NBEA: variants seen among roughly 807,000 people sequenced by gnomAD.
NBEA encodes lysosomal-trafficking regulator 2.
In NBEA, 44 loss-of-function variants were observed where a neutral mutation model predicts 343.4. The ratio of observed to expected loss-of-function variants is 0.13; its 90% CI spans 0.10 to 0.16. NBEA has a LOEUF of 0.16. Ranked by LOEUF, NBEA falls within the 10% of genes least tolerant of loss-of-function variation. The pLI is 1.00. For synonymous variants in NBEA, 1,175 were observed against 1,238.7 expected (o/e 0.95, Z 1.08); for missense variants, 2,555 against 3,631.3 (o/e 0.70, Z 7.62).
chr13:35,429,800 C>CGTGTGTGTGTGTGT (rs60362511), intron 38 of NBEA, among the ~76,000 whole-genome samples: 3,109 of 140,200 alleles, frequency 0.022, 48 homozygotes, highest in Middle Eastern at 0.054. Context: ...GAGTCCCCAA[C>CGTGTGTGTGTGTGT]GTGTGTGTGT....
At chr13:35,400,989 C>A (rs1016094964) in intron 38 of NBEA, among the ~76,000 whole-genome samples, 1 of 151,966 alleles carries the variant, frequency 6.6e-6, no homozygotes, top group Non-Finnish European at 1.5e-5. Flanking sequence ...CTAACATCAT[C>A]TGTCTCTTTT....
At chr13:35,476,335 G>A (rs2075869017) in intron 41 of NBEA, 1 of 1,208,660 alleles carries the variant, frequency 8.3e-7, no homozygotes, top group Admixed American at 2.0e-5. Context: ...TGCTGCTGCT[G>A]CTGCTGCTGC....
At chr13:35,166,670 C>T (rs1047064292) in intron 24 of NBEA, among the ~76,000 whole-genome samples, 1 of 152,036 alleles carries the variant, frequency 6.6e-6, no homozygotes, top group African/African-American at 2.4e-5. Flanking sequence ...CATTTTGTAT[C>T]TGGTAGAACT....
At chr13:35,619,389 T>G (rs1436652857) in intron 48 of NBEA, among the ~76,000 whole-genome samples, 1 of 152,054 alleles carries the variant, frequency 6.6e-6, no homozygotes, top group Non-Finnish European at 1.5e-5. Context: ...AGTCCAGTGG[T>G]AGCAGGCTGG....
rs758772297 is a variant in NBEA, at chr13:35,173,435, T to G, written c.4424-29T>G. On this transcript the variant is annotated intron_variant, in intron 26 of 58. Coordinates refer to ENST00000379939, the MANE Select transcript of NBEA (RefSeq NM_001385012.1). ...GGATATCAAAGTCAACAATTTATAT[T>G]AACAATATGTTTTTGAATTTTTAAA... 17 of 1,528,396 alleles carry G rather than the reference T, an allele frequency of 1.1e-5. 1 individual carries two copies. The South Asian group carries it at 2.2e-4, about 19-fold the overall frequency. The allele number at this position is 1,528,396 out of a possible 1,614,324, so 94.7% of individuals were successfully genotyped here.
At position 35,667,587 on chromosome 13, in the gene NBEA, C is replaced by A. The variant is rs1418682725; in HGVS notation, c.8661+17C>A. The A allele has an allele frequency of 6.2e-7, 1 of 1,608,318 alleles. No individual in the cohort carries two copies. The highest frequency in any genetic ancestry group is 1.1e-5 in the South Asian group (1 of 90,722). ...TCAACACGGGTAAATCTGCATAGTTCGTGCTAAGTAGGACTGAAGCCAAGA... is the reference window on the plus strand; with the variant it reads ...TCAACACGGGTAAATCTGCATAGTTAGTGCTAAGTAGGACTGAAGCCAAGA... On this transcript the variant is annotated intron_variant, in intron 57 of 58. Transcript: ENST00000379939.
At chr13:35,045,970 C>T (rs185897788) in intron 4 of NBEA, among the ~76,000 whole-genome samples, 19 of 152,104 alleles carry the variant, frequency 1.2e-4, no homozygotes, top group East Asian at 5.8e-4. Flanking sequence ...CCTGTTTGCC[C>T]GCCTAGGCCT....
intron 1 of NBEA, among the ~76,000 whole-genome samples, chr13:34,948,654 A>G (rs544609472): frequency 2.0e-5 from 3 of 152,316 alleles, no homozygotes; most frequent in Non-Finnish European, 2.9e-5. Flanking sequence ...AACAGACCTT[A>G]GATTTTGAAA....
At chr13:35,354,984 C>T (rs112161239) in intron 38 of NBEA, among the ~76,000 whole-genome samples, 1,763 of 152,212 alleles carry the variant, frequency 0.012, 46 homozygotes, top group African/African-American at 0.041. Flanking sequence ...ATATTTTTCT[C>T]CATCTCAGCC....
At chr13:35,618,632 C>T (rs1354087237) in intron 48 of NBEA, among the ~76,000 whole-genome samples, 5 of 152,110 alleles carry the variant, frequency 3.3e-5, no homozygotes, top group African/African-American at 4.8e-5. Flanking sequence ...TAAGTTTATA[C>T]GTCAAGAATT....
intron 1 of NBEA, among the ~76,000 whole-genome samples, chr13:34,962,908 C>A (rs536397155): frequency 6.6e-6 from 1 of 152,040 alleles, no homozygotes; most frequent in Non-Finnish European, 1.5e-5. Context: ...ATATTTTAAA[C>A]AGGACTCTGA....
At chr13:35,144,087 G>A (rs142456716) in intron 18 of NBEA, among the ~76,000 whole-genome samples, 4 of 152,080 alleles carry the variant, frequency 2.6e-5, no homozygotes, top group South Asian at 2.1e-4. Context: ...TTCAAATTTC[G>A]GTCTCTGCAA....
intron 38 of NBEA, among the ~76,000 whole-genome samples, chr13:35,424,971 A>T (rs958302214): frequency 6.6e-6 from 1 of 152,012 alleles, no homozygotes; most frequent in Admixed American, 6.6e-5. Flanking sequence ...GGTAGTTTGT[A>T]TTCTGTGGGA....
In NBEA at chr13:35,237,705, T is replaced by A. The variant is rs560239412; in HGVS notation, c.5776+5086T>A. On this transcript the variant is annotated intron_variant, in intron 34 of 58. Transcript: ENST00000379939. Reference sequence around the variant, plus strand: ...TTAGGTAACTGAAGATACTTTAATGTCTATGAAAAGAAAAAGCAATTACTC... The same window carrying A: ...TTAGGTAACTGAAGATACTTTAATGACTATGAAAAGAAAAAGCAATTACTC... 2.9e-4 allele frequency among the ~76,000 whole-genome samples: 44 copies of A among 152,318 alleles called. No individual in the cohort carries two copies. In the South Asian group the frequency reaches 9.1e-3, roughly 32 times the overall value.
At chr13:35,586,797 A>G (rs1026439256) in intron 46 of NBEA, among the ~76,000 whole-genome samples, 1 of 152,158 alleles carries the variant, frequency 6.6e-6, no homozygotes, top group Non-Finnish European at 1.5e-5. Flanking sequence ...CAGAAGTAGG[A>G]AAATACTTCA....
At chr13:35,162,181 C>T (rs1254796789) in intron 23 of NBEA, among the ~76,000 whole-genome samples, 2 of 151,998 alleles carry the variant, frequency 1.3e-5, no homozygotes, top group African/African-American at 4.8e-5. Flanking sequence ...CATGTGTATT[C>T]AGAGCCTGTA....
intron 31 of NBEA, among the ~76,000 whole-genome samples, chr13:35,208,125 C>T (rs4943297): frequency 0.7 from 106,926 of 151,900 alleles, 37,869 homozygotes; most frequent in Admixed American, 0.77. Context: ...GAGGCTGACA[C>T]GGGAGAATCA....
intron 35 of NBEA, among the ~76,000 whole-genome samples, chr13:35,295,680 T>C (rs980818724): frequency 6.6e-6 from 1 of 151,910 alleles, no homozygotes; most frequent in African/African-American, 2.4e-5. Context: ...GGAAAAAGAG[T>C]ATCAGTAGAA....
At chr13:35,364,107 A>G (rs940410519) in intron 38 of NBEA, among the ~76,000 whole-genome samples, 2 of 151,918 alleles carry the variant, frequency 1.3e-5, no homozygotes, top group African/African-American at 4.8e-5. Context: ...TGTGCATGTG[A>G]TAACCTTCTC....
Sources: allele counts gnomAD v4.1 joint callset (sites outside exome capture counted in the v4.1 genomes callset), GRCh38; gene constraint gnomAD v4.1.1; transcripts MANE v1.5; gene names NCBI Gene and HGNC (gene_info 2026-07-23, HGNC 2026-07-21).